Variants in CTDP1 observed in about 807,000 individuals in gnomAD.
CTDP1 encodes RNA polymerase II subunit A C-terminal domain phosphatase.
A neutral mutation model predicts 91.8 loss-of-function variants in CTDP1; 47 were observed. That is an observed-to-expected ratio of 0.51 (90% CI 0.41 to 0.65). The LOEUF is 0.65. Ranked by LOEUF, CTDP1 falls within the 30% of genes least tolerant of loss-of-function variation. CTDP1 has a pLI of 0.00. For synonymous variants in CTDP1, 656 were observed against 598.5 expected, an observed-to-expected ratio of 1.10 and a Z score of -1.40; for missense variants, 1,272 against 1,373.7, an observed-to-expected ratio of 0.93 and a Z score of 1.17.
intron 12 of CTDP1, among the ~76,000 whole-genome samples, chr18:79,753,275 G>T (rs936901945): frequency 5.3e-5 from 8 of 152,248 alleles, no homozygotes; most frequent in African/African-American, 4.8e-5. Context: ...GAGCTGGGAG[G>T]TGCTTGTTCA....
At chr18:79,747,973 G>A (rs1329248994) in intron 12 of CTDP1, among the ~76,000 whole-genome samples, 1 of 152,202 alleles carries the variant, frequency 6.6e-6, no homozygotes, top group Non-Finnish European at 1.5e-5. Context: ...TGGGGGTGGG[G>A]TATACATATA....
chr18:79,703,823 T>C (rs993430306), intron 4 of CTDP1, among the ~76,000 whole-genome samples: 1 of 151,946 alleles, frequency 6.6e-6, no homozygotes, highest in Non-Finnish European at 1.5e-5. Context: ...GTAGCTATCA[T>C]CGGTGGTTAT....
At chr18:79,681,822 C>G (rs496281) in intron 1 of CTDP1, among the ~76,000 whole-genome samples, 87,245 of 152,040 alleles carry the variant, frequency 0.57, 25,172 homozygotes, top group Middle Eastern at 0.67. Flanking sequence ...GCAGGTAAAT[C>G]CTTGCCTTAG....
chr18:79,714,576 G>T lies in CTDP1; in HGVS notation c.1116G>T (p.Glu372Asp). 1 of 1,613,140 alleles carries T rather than the reference G, an allele frequency of 6.2e-7. No individual in the cohort carries two copies. Among genetic ancestry groups the T allele is most frequent in the Non-Finnish European group, 8.5e-7 (1 of 1,180,038 alleles). ...GGGTAACGCAGGCCCCTGGAGTGGA[G>T]CCCAGCAATGGCCTGGAGAAGCCTG... ...PEGVTQAPGVEPSNGLEKPAR... is the reference protein window; with the variant it reads ...PEGVTQAPGVDPSNGLEKPAR... The change falls in exon 8 of 13, where the codon GAG becomes GAT. Residue 372 changes from glutamate to aspartate, a missense_variant. Glu to Asp is a conservative substitution (Grantham distance 45). This residue lies in a region of CTDP1 where 881 missense variants were observed against 911.6 expected (regional missense o/e 0.97). Transcript: ENST00000613122.
Position 79,715,065 on chromosome 18 carries a change from G to A in CTDP1, c.1605G>A (p.Glu535=). The A allele has an allele frequency of 6.2e-7, 1 of 1,611,872 alleles. No homozygotes were observed. The change falls in exon 8 of 13, where the codon GAG becomes GAA. Residue 535 remains glutamate (E), a synonymous_variant. Transcript: ENST00000613122. ...DKEPELGGQE[E]GERDGLCGLG... is the part of the protein sequence containing the mutation. ...AGCCTGAGCTGGGTGGGCAGGAGGA[G>A]GGCGAGCGGGATGGCCTCTGCGGCC...
At chr18:79,721,015 G>T (rs529053633) in intron 10 of CTDP1, among the ~76,000 whole-genome samples, 4 of 152,188 alleles carry the variant, frequency 2.6e-5, no homozygotes, top group Non-Finnish European at 5.9e-5. Context: ...GGGGGCGCCT[G>T]GGGCAGGGTC....
Position 79,736,391 on chromosome 18 carries a change from G to C in CTDP1, c.2617G>C (p.Asp873His). The change falls in exon 12 of 13, where the codon GAC becomes CAC. Residue 873 changes from aspartate to histidine, a missense_variant. By Grantham distance (81) the Asp-to-His change is moderately conservative. Transcript: ENST00000613122. ...DILGEGSDDS[D>H]SEKRRPEEQE... The stretch of plus-strand genomic sequence containing the variant: ...CCTTGGAGAAGGCAGCGACGACAGC[G>C]ACAGCGAGAAGAGGAGGCCTGAGGA... 1 of 1,549,452 alleles carries C rather than the reference G, an allele frequency of 6.5e-7. No individual in the cohort carries two copies. Among genetic ancestry groups the C allele is most frequent in the South Asian group, 1.2e-5 (1 of 83,986 alleles).
intron 4 of CTDP1, among the ~76,000 whole-genome samples, chr18:79,702,321 T>C (rs1344142476): frequency 6.6e-6 from 1 of 152,248 alleles, no homozygotes; most frequent in East Asian, 1.9e-4. Flanking sequence ...TATGACTTGC[T>C]GAAGGTTCAG....
intron 3 of CTDP1, 93 bp from the exon 4 acceptor site, chr18:79,697,767 A>C: frequency 6.4e-7 from 1 of 1,572,800 alleles, no homozygotes; most frequent in Non-Finnish European, 8.7e-7. Context: ...AGGGGAACAC[A>C]TTGATATAGT....
intron 5 of CTDP1, among the ~76,000 whole-genome samples, chr18:79,707,496 G>A (rs1290615158): frequency 6.6e-6 from 1 of 152,258 alleles, no homozygotes; most frequent in East Asian, 1.9e-4. Flanking sequence ...GGTTTGTTGA[G>A]CGTCACCGGG....
intron 10 of CTDP1, among the ~76,000 whole-genome samples, chr18:79,722,537 C>A (rs1012320190): frequency 6.6e-6 from 1 of 152,142 alleles, no homozygotes; most frequent in Non-Finnish European, 1.5e-5. Context: ...TTGCGATAAT[C>A]GTCAGTTTGG....
rs777882182 is a variant in CTDP1, at chr18:79,754,234, C to T, written c.*444C>T. 44 of 239,636 alleles carry T rather than the reference C, an allele frequency of 1.8e-4. No individual in the cohort carries two copies. The highest frequency in any genetic ancestry group is 3.0e-4 in the Non-Finnish European group (36 of 119,486). 14.8% of individuals were successfully genotyped at this position (239,636 alleles called of 1,614,324 possible). A position where few individuals can be genotyped will look rare whatever the true frequency, so the allele number is the denominator to read the frequency against. On this transcript the variant is annotated 3_prime_UTR_variant, in exon 13 of 13. Transcript: ENST00000613122. ...GCACAGACATGCCTGGAACCCCCGC[C>T]GCCTGCTGCTCCCTCCTAGGGAACC...
intron 8 of CTDP1, 60 bp downstream of exon 8, chr18:79,715,588 T>C (rs2086190877): frequency 1.4e-6 from 2 of 1,463,766 alleles, no homozygotes; most frequent in South Asian, 2.5e-5. Flanking sequence ...TTGCAGGCAC[T>C]CCTTAGAGTT....
rs1036854570 is a variant in CTDP1 at position 79,728,993 on chromosome 18, A to C, written c.2504A>C (p.Lys835Thr). ...GAGCAGCCTGGCCCTTCTAGAAGAAAGCGACAGCCCAGTATGTCTGAGACA... is the reference window on the plus strand; with the variant it reads ...GAGCAGCCTGGCCCTTCTAGAAGAACGCGACAGCCCAGTATGTCTGAGACA... ...DGEQPGPSRRKRQPSMSETMP... is the reference protein window; with the variant it reads ...DGEQPGPSRRTRQPSMSETMP... Residue 835 changes from lysine (K) to threonine (T), a missense_variant, in exon 11 of 13, where the codon AAG (lysine) becomes ACG (threonine). Lys to Thr is a moderately conservative substitution (Grantham distance 78). Around this residue, in one of 3 missense-constraint regions of CTDP1, gnomAD observed 881 missense variants for 911.6 expected, o/e 0.97. Coordinates refer to ENST00000613122, the MANE Select transcript of CTDP1 (RefSeq NM_004715.5). 6.2e-7 allele frequency: 1 copy of C among 1,614,214 alleles called. No individual in the cohort carries two copies. Among genetic ancestry groups the C allele is most frequent in the Non-Finnish European group, 8.5e-7 (1 of 1,180,052 alleles).
chr18:79,735,867 C>T (rs578145693), intron 11 of CTDP1: 2 of 181,666 alleles, frequency 1.1e-5, no homozygotes, highest in East Asian at 1.4e-4. Context: ...GTGCCCAGAG[C>T]GAGCGGGTGG....
At chr18:79,714,097 C>T (rs1227981190) in intron 7 of CTDP1, among the ~76,000 whole-genome samples, 1 of 151,998 alleles carries the variant, frequency 6.6e-6, no homozygotes, top group Non-Finnish European at 1.5e-5. Flanking sequence ...GTCACGGTGG[C>T]GCCAGGTCTG....
chr18:79,698,054 AGT>A (rs2085783854), intron 4 of CTDP1, 66 bp downstream of exon 4: 1 of 1,596,800 alleles, frequency 6.3e-7, no homozygotes, highest in Non-Finnish European at 8.5e-7. Context: ...TTGATTCAGA[AGT>A]GTGTTCTCTT....
At chr18:79,696,462 G>A (rs1327355284) in intron 3 of CTDP1, among the ~76,000 whole-genome samples, 1 of 152,144 alleles carries the variant, frequency 6.6e-6, no homozygotes, top group East Asian at 1.9e-4. Context: ...TGTGCTGGAT[G>A]ACCCGGGAGG....
chr18:79,723,142 A>G (rs2086379536), intron 10 of CTDP1, among the ~76,000 whole-genome samples: 1 of 152,148 alleles, frequency 6.6e-6, no homozygotes, highest in African/African-American at 2.4e-5. Flanking sequence ...TTGCAACAGC[A>G]CTGGTGCCCT....
Sources: gnomAD v4.1 joint callset for allele counts (sites outside exome capture counted in the v4.1 genomes callset) on GRCh38, gnomAD v4.1.1 for gene constraint, gnomAD v4.1.1 regional missense constraint, MANE v1.5 for transcripts, NCBI Gene and HGNC (gene_info 2026-07-23, HGNC 2026-07-21) for gene names.